The following KCNIP4 variants were observed in gnomAD, a reference collection of about 807,000 sequenced individuals.
KCNIP4 encodes the protein Kv channel-interacting protein 4.
In KCNIP4, 12 loss-of-function variants were observed where a neutral mutation model predicts 34.0. The observed-to-expected ratio is 0.35, with a 90% confidence interval of 0.23 to 0.57. The LOEUF (loss-of-function observed/expected upper bound fraction) is 0.57, where lower values mean the gene tolerates loss of function less well. Ranked by LOEUF, KCNIP4 falls within the 20% of genes least tolerant of loss-of-function variation. The pLI, the probability that KCNIP4 is intolerant of heterozygous loss-of-function variation, is 0.83. For synonymous variants in KCNIP4, 124 were observed against 102.2 expected, an observed-to-expected ratio of 1.21 and a Z score of -1.29; for missense variants, 238 against 311.7, an observed-to-expected ratio of 0.76 and a Z score of 1.78.
chr4:21,520,753 A>G (rs1393760061), intron 1 of KCNIP4, among the ~76,000 whole-genome samples: 1 of 152,116 alleles, frequency 6.6e-6, no homozygotes, highest in African/African-American at 2.4e-5. Flanking sequence ...CCCACCTGAG[A>G]AAATAATTTA....
chr4:21,012,340 A>C (rs139968438), intron 1 of KCNIP4, among the ~76,000 whole-genome samples: 280 of 152,326 alleles, frequency 1.8e-3, no homozygotes, highest in African/African-American at 6.4e-3. Flanking sequence ...GCGCTTTAGG[A>C]GGCCAAAGCA....
At chr4:21,857,927 A>G (rs897631597) in intron 1 of KCNIP4, among the ~76,000 whole-genome samples, 14 of 152,148 alleles carry the variant, frequency 9.2e-5, no homozygotes, top group African/African-American at 3.4e-4. Flanking sequence ...TGGTCTCTCC[A>G]AGCTTCTGAA....
chr4:21,584,940 T>C (rs1480079622), intron 1 of KCNIP4, among the ~76,000 whole-genome samples: 3 of 151,628 alleles, frequency 2.0e-5, no homozygotes, highest in Non-Finnish European at 4.4e-5. Context: ...ATGGCTGAGT[T>C]TTATTTTATT....
In KCNIP4 at chr4:21,295,428, G is replaced by A. The variant is rs1266203945; in HGVS notation, c.62-412719C>T. Among the ~76,000 whole-genome samples the A allele has an allele frequency of 2.6e-5, 4 of 152,232 alleles. No homozygotes were observed. In the South Asian group the frequency reaches 6.2e-4, roughly 24 times the overall value. ...ATTTGAACCCTTCAATGGCTTTCCA[G>A]TAACAAACAGTAAGTTCTAAAGTCC... On this transcript the variant is annotated intron_variant, in intron 1 of 8. Transcript: ENST00000382152.
At chr4:20,810,593 A>G (rs1349180799) in intron 3 of KCNIP4, among the ~76,000 whole-genome samples, 1 of 152,152 alleles carries the variant, frequency 6.6e-6, no homozygotes, top group Non-Finnish European at 1.5e-5. Context: ...TGTAACAATC[A>G]GCTTTAGTCT....
Position 21,479,298 on chromosome 4 carries a change from A to G in KCNIP4, c.61+469273T>C, listed in dbSNP as rs114051749. On this transcript the variant is annotated intron_variant, in intron 1 of 8. Coordinates refer to ENST00000382152, the MANE Select transcript of KCNIP4 (RefSeq NM_025221.6). ...TGGAAAATATTTTAAAATAAGGTATAAAATGTAATAAATAATGAGGAAAGC... is the reference window on the plus strand; with the variant it reads ...TGGAAAATATTTTAAAATAAGGTATGAAATGTAATAAATAATGAGGAAAGC... 5.7e-3 allele frequency among the ~76,000 whole-genome samples: 867 copies of G among 152,336 alleles called. 4 individuals are homozygous for G. Among genetic ancestry groups the G allele is most frequent in the African/African-American group, 0.018 (734 of 41,578 alleles).
intron 1 of KCNIP4, among the ~76,000 whole-genome samples, chr4:21,546,931 A>C (rs1738195228): frequency 6.6e-6 from 1 of 152,156 alleles, no homozygotes; most frequent in Non-Finnish European, 1.5e-5. Flanking sequence ...CTTATCTGAA[A>C]TAAAGAGAAG....
intron 1 of KCNIP4, among the ~76,000 whole-genome samples, chr4:21,764,909 A>T (rs936777220): frequency 6.6e-6 from 1 of 152,078 alleles, no homozygotes; most frequent in African/African-American, 2.4e-5. Context: ...AAGATTTTCC[A>T]TGGAAGTTCA....
intron 1 of KCNIP4, among the ~76,000 whole-genome samples, chr4:21,504,415 C>A (rs758254192): frequency 2.3e-4 from 32 of 141,282 alleles, no homozygotes; most frequent in Non-Finnish European, 4.5e-4. Flanking sequence ...TTGCAGTGAA[C>A]GGAGATCATG....
intron 1 of KCNIP4, among the ~76,000 whole-genome samples, chr4:21,587,720 C>A: frequency 6.6e-6 from 1 of 152,044 alleles, no homozygotes; most frequent in Non-Finnish European, 1.5e-5. Context: ...ACCAAGAGAA[C>A]CATTGTGTTT....
chr4:21,109,647 A>T (rs1748971668), intron 1 of KCNIP4, among the ~76,000 whole-genome samples: 1 of 152,198 alleles, frequency 6.6e-6, no homozygotes, highest in African/African-American at 2.4e-5. Context: ...TAGTGAGACG[A>T]ACCTGGTACC....
intron 1 of KCNIP4, among the ~76,000 whole-genome samples, chr4:21,416,380 G>A (rs1315303349): frequency 6.6e-6 from 1 of 152,106 alleles, no homozygotes; most frequent in East Asian, 1.9e-4. Context: ...CTGAGTAATA[G>A]AACCACCTTT....
chr4:20,854,375 T>G (rs1267270815), intron 2 of KCNIP4, among the ~76,000 whole-genome samples: 2 of 152,122 alleles, frequency 1.3e-5, no homozygotes, highest in Non-Finnish European at 2.9e-5. Context: ...TTATTCTAAG[T>G]GATGTAACTC....
chr4:20,908,666 C>T lies in KCNIP4; in HGVS notation c.62-25957G>A, dbSNP rs78279234. On this transcript the variant is annotated intron_variant, in intron 1 of 8. Transcript: ENST00000382152. ...AGACCAGGTTCTAGTGACATCTACTCAGTGATGTTTCCCCTGATATCCCTG... is the reference window on the plus strand; with the variant it reads ...AGACCAGGTTCTAGTGACATCTACTTAGTGATGTTTCCCCTGATATCCCTG... Among the ~76,000 whole-genome samples the T allele has an allele frequency of 8.8e-3, 1,340 of 152,272 alleles. 18 individuals carry two copies. Among genetic ancestry groups the T allele is most frequent in the African/African-American group, 0.03 (1,261 of 41,558 alleles).
chr4:21,218,234 C>T lies in KCNIP4; in HGVS notation c.62-335525G>A, dbSNP rs533039002. 5.9e-4 allele frequency among the ~76,000 whole-genome samples: 90 copies of T among 151,900 alleles called. 2 individuals carry two copies. In the South Asian group the frequency reaches 0.016, roughly 26 times the overall value. On this transcript the variant is annotated intron_variant, in intron 1 of 8. Coordinates refer to ENST00000382152, the MANE Select transcript of KCNIP4 (RefSeq NM_025221.6). ...TTCACCATGTTGGCCAGGTTGGTCT[C>T]GAACTCCTGACCTCAGGTGACCCAC...
At chr4:20,896,363 G>A (rs1726529201) in intron 1 of KCNIP4, among the ~76,000 whole-genome samples, 1 of 152,168 alleles carries the variant, frequency 6.6e-6, no homozygotes, top group Admixed American at 6.5e-5. Context: ...AAAAATTCAT[G>A]TTCATCTAGA....
chr4:21,928,723 C>T (rs1429279516), intron 1 of KCNIP4, among the ~76,000 whole-genome samples: 1 of 152,080 alleles, frequency 6.6e-6, no homozygotes, highest in African/African-American at 2.4e-5. Flanking sequence ...CCATGACACA[C>T]TTCTCAAATC....
chr4:21,581,397 T>A (rs1741187867), intron 1 of KCNIP4, among the ~76,000 whole-genome samples: 1 of 151,948 alleles, frequency 6.6e-6, no homozygotes, highest in South Asian at 2.1e-4. Flanking sequence ...AACGTATTGA[T>A]CCTTATATAA....
At chr4:21,046,240 G>A (rs887553804) in intron 1 of KCNIP4, among the ~76,000 whole-genome samples, 8 of 152,148 alleles carry the variant, frequency 5.3e-5, no homozygotes, top group Non-Finnish European at 8.8e-5. Context: ...AACTCATAGA[G>A]GATGGCTCTG....
Sources: gnomAD v4.1 joint callset for allele counts (sites outside exome capture counted in the v4.1 genomes callset) on GRCh38, gnomAD v4.1.1 for gene constraint, MANE v1.5 for transcripts, NCBI Gene and HGNC (gene_info 2026-07-23, HGNC 2026-07-21) for gene names.